The following MAGI3 variants were observed in gnomAD, a reference collection of about 807,000 sequenced individuals.
MAGI3 encodes membrane-associated guanylate kinase, WW and PDZ domain-containing protein 3.
In MAGI3, 43 loss-of-function variants were observed where a neutral mutation model predicts 121.8. That is an observed-to-expected ratio of 0.35 (90% confidence interval 0.28 to 0.46). The LOEUF (loss-of-function observed/expected upper bound fraction) is 0.46, where lower values mean the gene tolerates loss of function less well. Ranked by LOEUF, MAGI3 falls within the 20% of genes least tolerant of loss-of-function variation. MAGI3 has a pLI of 1.00. For missense variants in MAGI3, 1,547 were observed against 1,797.3 expected (o/e 0.86, Z 2.52); for synonymous variants, 553 against 639.3 (o/e 0.86, Z 2.04).
chr1:113,602,081 G>A (rs1029086982), intron 6 of MAGI3, among the ~76,000 whole-genome samples: 11 of 123,554 alleles, frequency 8.9e-5, no homozygotes, highest in African/African-American at 3.2e-4. Flanking sequence ...GTGGGGTGGG[G>A]GGAGTGGGAA....
rs2100982012 is a variant in MAGI3 at position 113,651,043 on chromosome 1, A to T, written c.2277A>T (p.Gly759=). Residue 759 remains glycine, a synonymous_variant, in exon 14 of 21, where the codon GGA becomes GGT. Transcript: ENST00000307546. Reference sequence around the variant, plus strand: ...ATATTGGGGCTATTATTCCCCTGGGAGCAGCTGAGAAAGATGGTCGGCTCC... The same window carrying T: ...ATATTGGGGCTATTATTCCCCTGGGTGCAGCTGAGAAAGATGGTCGGCTCC... The part of the protein sequence containing the change: ...SIYIGAIIPL[G]AAEKDGRLRA... 6.2e-7 allele frequency: 1 copy of T among 1,614,082 alleles called. No homozygotes were observed. Among genetic ancestry groups the T allele is most frequent in the Non-Finnish European group, 8.5e-7 (1 of 1,180,004 alleles).
At chr1:113,622,415 A>C (rs1436807303) in intron 8 of MAGI3, among the ~76,000 whole-genome samples, 2 of 152,190 alleles carry the variant, frequency 1.3e-5, no homozygotes, top group African/African-American at 4.8e-5. Flanking sequence ...ATTTACTGAT[A>C]GTAAAAAGAT....
Position 113,634,949 on chromosome 1 carries a change from G to A in MAGI3, c.1361-6962G>A, listed in dbSNP as rs1198800889. Among the ~76,000 whole-genome samples the A allele has an allele frequency of 4.0e-5, 6 of 151,124 alleles. No individual in the cohort carries two copies. In the East Asian group the frequency reaches 5.8e-4, roughly 15 times the overall value. On this transcript the variant is annotated intron_variant, in intron 9 of 20. Coordinates refer to ENST00000307546, the MANE Select transcript of MAGI3 (RefSeq NM_001142782.2). ...AGTTCTCCTTGAAGAGGTCCTTCAC[G>A]TCCCTTGTAAGTTGGATTCCTAGGT...
At chr1:113,471,105 G>T (rs1655517802) in intron 1 of MAGI3, among the ~76,000 whole-genome samples, 1 of 152,100 alleles carries the variant, frequency 6.6e-6, no homozygotes, top group African/African-American at 2.4e-5. Flanking sequence ...TGAAATGAGG[G>T]TCTAATACTA....
In MAGI3 at chr1:113,683,425, C is replaced by T. The variant is rs747528040; in HGVS notation, c.3857C>T (p.Ser1286Leu). 5.0e-6 allele frequency: 8 copies of T among 1,613,788 alleles called. No homozygotes were observed. The African/African-American group carries it at 6.7e-5, about 13-fold the overall frequency. The change falls in exon 21 of 21, where the codon TCG becomes TTG. Residue 1286 changes from serine to leucine, a missense_variant. By Grantham distance (145) the Ser-to-Leu change is moderately radical (BLOSUM62 -2). Transcript: ENST00000307546. ...CAGTGCAGAAAAAGCAGAGGTCGGTCGGCCAGCCCAAAAAAGCAGCAAAAA... is the reference window on the plus strand; with the variant it reads ...CAGTGCAGAAAAAGCAGAGGTCGGTTGGCCAGCCCAAAAAAGCAGCAAAAA... The part of the protein sequence containing the change: ...QDQCRKSRGR[S>L]ASPKKQQKIE...
intron 1 of MAGI3, among the ~76,000 whole-genome samples, chr1:113,465,795 C>T (rs1451844136): frequency 6.6e-6 from 1 of 151,870 alleles, no homozygotes; most frequent in African/African-American, 2.4e-5. Flanking sequence ...TTCTTTTTCA[C>T]TTTGTTTGCT....
chr1:113,620,629 C>G (rs1313403355), intron 8 of MAGI3, among the ~76,000 whole-genome samples: 1 of 152,092 alleles, frequency 6.6e-6, no homozygotes, highest in East Asian at 1.9e-4. Context: ...TGACTATATC[C>G]CCAGTGCTTT....
intron 1 of MAGI3, among the ~76,000 whole-genome samples, chr1:113,396,500 G>A (rs1233251204): frequency 5.9e-5 from 9 of 152,090 alleles, no homozygotes; most frequent in Admixed American, 5.9e-4. Context: ...AAACTTAGAA[G>A]CTGGTGTTAT....
intron 4 of MAGI3, among the ~76,000 whole-genome samples, chr1:113,589,359 T>A (rs1478388085): frequency 6.6e-6 from 1 of 152,104 alleles, no homozygotes; most frequent in Non-Finnish European, 1.5e-5. Flanking sequence ...TGATCATGAA[T>A]TTAAAGTAAA....
intron 1 of MAGI3, among the ~76,000 whole-genome samples, chr1:113,416,084 TATTA>T (rs1413605516): frequency 4.4e-5 from 6 of 136,366 alleles, no homozygotes; most frequent in Non-Finnish European, 8.3e-5. Context: ...TAATGACACA[TATTA>T]ATTATGTAAT....
chr1:113,590,446 A>G, intron 4 of MAGI3, 38 bp from the exon 5 acceptor site: 1 of 1,599,184 alleles, frequency 6.3e-7, no homozygotes, highest in East Asian at 2.2e-5. Context: ...ATATAACTTT[A>G]CCCACTTTTC....
At chr1:113,487,090 A>G (rs1201528891) in intron 1 of MAGI3, among the ~76,000 whole-genome samples, 1 of 152,222 alleles carries the variant, frequency 6.6e-6, no homozygotes, top group Admixed American at 6.5e-5. Context: ...GGCTTTCAAT[A>G]ATTTAACAGA....
chr1:113,431,210 C>T (rs1653284156), intron 1 of MAGI3, among the ~76,000 whole-genome samples: 1 of 152,180 alleles, frequency 6.6e-6, no homozygotes, highest in African/African-American at 2.4e-5. Flanking sequence ...GCTAGCTACT[C>T]AGGAGACTGA....
rs540571164 is a variant in MAGI3, at chr1:113,549,436, G to T, written c.317-79G>T. 2.1e-4 allele frequency: 153 copies of T among 722,604 alleles called. No individual in the cohort carries two copies. In the African/African-American group the frequency reaches 2.4e-3, roughly 11 times the overall value. 44.8% of individuals were successfully genotyped at this position (722,604 alleles called of 1,614,324 possible). A position where few individuals can be genotyped will look rare whatever the true frequency, so the allele number is the denominator to read the frequency against. On this transcript the variant is annotated intron_variant, in intron 1 of 20. Coordinates refer to ENST00000307546, the MANE Select transcript of MAGI3 (RefSeq NM_001142782.2). ...TAGCTAACTGGTTTAAGAGTATTCA[G>T]TTACTAGCTTCTATATTTAAGTGAA... is the stretch of plus-strand genomic sequence containing the variant.
chr1:113,680,637 G>T (rs1571043790), intron 19 of MAGI3, among the ~76,000 whole-genome samples: 1 of 151,984 alleles, frequency 6.6e-6, no homozygotes, highest in Admixed American at 6.5e-5. Context: ...GGCGCCTGTA[G>T]TCCCAACTAC....
At chr1:113,479,531 T>TC (rs1250316596) in intron 1 of MAGI3, among the ~76,000 whole-genome samples, 1 of 152,214 alleles carries the variant, frequency 6.6e-6, no homozygotes, top group Non-Finnish European at 1.5e-5. Flanking sequence ...AATTCTCTCC[T>TC]TGTCTTTGAC....
intron 2 of MAGI3, 93 bp from the exon 3 acceptor site, chr1:113,580,449 T>C (rs1647949889): frequency 8.7e-7 from 1 of 1,153,420 alleles, no homozygotes; most frequent in Non-Finnish European, 1.2e-6. Context: ...ACATCTCTTA[T>C]GTGTTCTCTA....
At chr1:113,515,728 A>G (rs904616085) in intron 1 of MAGI3, among the ~76,000 whole-genome samples, 2 of 152,074 alleles carry the variant, frequency 1.3e-5, no homozygotes, top group Non-Finnish European at 2.9e-5. Context: ...TCACTATTAT[A>G]AAAACAAACT....
intron 6 of MAGI3, among the ~76,000 whole-genome samples, chr1:113,597,306 C>A (rs2101745700): frequency 6.6e-6 from 1 of 152,136 alleles, no homozygotes; most frequent in South Asian, 2.1e-4. Flanking sequence ...TTGCCTTGGG[C>A]TAAGGATAAG....
Sources: gnomAD v4.1 joint callset for allele counts (sites outside exome capture counted in the v4.1 genomes callset) on GRCh38, gnomAD v4.1.1 for gene constraint, MANE v1.5 for transcripts, NCBI Gene and HGNC (gene_info 2026-07-23, HGNC 2026-07-21) for gene names.